Variants in CASQ1 observed in about 807,000 individuals in gnomAD.
CASQ1 encodes the protein calsequestrin-1.
CASQ1 carries 40 observed loss-of-function variants against 49.5 expected under a neutral mutation model. The ratio of observed to expected loss-of-function variants is 0.81; its 90% CI spans 0.63 to 1.05. The LOEUF (loss-of-function observed/expected upper bound fraction) is 1.05. Among genes scored for constraint, CASQ1 ranks in the 50% least tolerant of loss-of-function variants. The pLI is 0.00. For synonymous variants in CASQ1, 174 were observed against 187.2 expected, an observed-to-expected ratio of 0.93 and a Z score of 0.58; for missense variants, 469 against 486.9, an observed-to-expected ratio of 0.96 and a Z score of 0.35.
rs1183129981 is a variant in CASQ1, at chr1:160,195,912, A to C, written c.667A>C (p.Thr223Pro). The change falls in exon 6 of 11, where the codon ACC (threonine) becomes CCC (proline). Residue 223 changes from threonine to proline, a missense_variant. Thr to Pro is a conservative substitution (Grantham distance 38, BLOSUM62 -1). Transcript: ENST00000368078. ...TFDSKVAKKLTLKLNEIDFYE... is the reference protein window; with the variant it reads ...TFDSKVAKKLPLKLNEIDFYE... The stretch of plus-strand genomic sequence containing the variant: ...TCTCCCAAAGGTGGCAAAGAAGCTG[A>C]CCCTGAAGCTGAATGAGATTGATTT... The C allele has an allele frequency of 2.5e-6, 4 of 1,613,676 alleles. No homozygotes were observed. Among genetic ancestry groups the C allele is most frequent in the Non-Finnish European group, 3.4e-6 (4 of 1,179,890 alleles).
chr1:160,195,661 C>CCT (rs1553192599), intron 5 of CASQ1, 127 bp downstream of exon 5: 55 of 783,014 alleles, frequency 7.0e-5, no homozygotes, highest in Non-Finnish European at 1.1e-4. Context: ...TGCCCCCCCC[C>CCT]CCGGCTCCTC....
intron 6 of CASQ1, among the ~76,000 whole-genome samples, chr1:160,197,278 T>C (rs550075584): frequency 6.6e-5 from 10 of 152,284 alleles, no homozygotes; most frequent in Admixed American, 2.6e-4. Flanking sequence ...TCAATCATAG[T>C]GAGTGAGTGA....
rs1420012716 is a variant in CASQ1 at position 160,193,745 on chromosome 1, A to T, written c.365-2A>T. ...CACCCCTGCGCCCGGCTCACTCCCT[A>T]GGCCTAACTGAAGTGGACAGCATGT... On this transcript the variant is annotated splice_acceptor_variant, in intron 2 of 10. Coordinates refer to ENST00000368078, the MANE Select transcript of CASQ1 (RefSeq NM_001231.5). LOFTEE classifies it high-confidence loss of function. The T allele has an allele frequency of 6.3e-7, 1 of 1,591,944 alleles. No individual in the cohort carries two copies. The highest frequency in any genetic ancestry group is 8.6e-7 in the Non-Finnish European group (1 of 1,162,278).
chr1:160,197,494 C>G, intron 6 of CASQ1, 75 bp from the exon 7 acceptor site: 2 of 1,067,444 alleles, frequency 1.9e-6, no homozygotes, highest in East Asian at 2.4e-5. Context: ...CTAGAGGCAG[C>G]CTTTGCTACA....
chr1:160,198,487 G>C (rs1447727955), intron 7 of CASQ1, among the ~76,000 whole-genome samples, 190 bp from the exon 8 acceptor site: 2 of 152,004 alleles, frequency 1.3e-5, no homozygotes, highest in African/African-American at 4.8e-5. Flanking sequence ...CTGGGGGACA[G>C]AGTGAAACTC....
At chr1:160,196,253 T>C (rs565763015) in intron 6 of CASQ1, among the ~76,000 whole-genome samples, 8 of 152,106 alleles carry the variant, frequency 5.3e-5, no homozygotes, top group South Asian at 2.1e-4. Context: ...TTCATAAGTG[T>C]GTATAATTCA....
Position 160,190,944 on chromosome 1 carries a change from G to GAT in CASQ1, c.194_195insTA (p.Glu65AspfsTer27), listed in dbSNP as rs1289888517. On this transcript the variant is annotated frameshift_variant, in exon 1 of 11. Transcript: ENST00000368078. LOFTEE classifies it high-confidence loss of function. ...CTACAAGAATGTGTTCAAGAAGTAT[G>GAT]AGGTGCTGGCACTCCTCTACCATGA... 1.2e-6 allele frequency: 2 copies of GAT among 1,614,196 alleles called. No individual in the cohort carries two copies. Among genetic ancestry groups the GAT allele is most frequent in the Admixed American group, 3.3e-5 (2 of 60,034 alleles).
intron 3 of CASQ1, among the ~76,000 whole-genome samples, chr1:160,194,308 C>T (rs1472877140): frequency 2.0e-5 from 3 of 147,904 alleles, no homozygotes; most frequent in African/African-American, 7.5e-5. Flanking sequence ...GCACACACCA[C>T]ACACGCCACA....
chr1:160,193,127 C>T (rs553407782), intron 2 of CASQ1, among the ~76,000 whole-genome samples: 1 of 152,124 alleles, frequency 6.6e-6, no homozygotes, highest in East Asian at 1.9e-4. Flanking sequence ...GGGAGGCCTT[C>T]TTTATACTTA....
In CASQ1 at chr1:160,195,888, C is replaced by T; in HGVS notation, c.652-9C>T. ...CTGCTCCACTCCCCTCCTACCCCCT[C>T]TCCCAAAGGTGGCAAAGAAGCTGAC... On this transcript the variant is annotated splice_polypyrimidine_tract_variant and intron_variant, in intron 5 of 10. Transcript: ENST00000368078. 1 of 1,613,650 alleles carries T rather than the reference C, an allele frequency of 6.2e-7. No homozygotes were observed. Among genetic ancestry groups the T allele is most frequent in the Non-Finnish European group, 8.5e-7 (1 of 1,179,760 alleles).
chr1:160,200,801 G>T (rs923740361), intron 10 of CASQ1, among the ~76,000 whole-genome samples: 1 of 152,266 alleles, frequency 6.6e-6, no homozygotes, highest in East Asian at 1.9e-4. Flanking sequence ...TTGAGGCCAG[G>T]TGTTCAAGGC....
chr1:160,190,925 G>T lies in CASQ1; in HGVS notation c.174G>T (p.Lys58Asn), dbSNP rs1343017743. 6.2e-7 allele frequency: 1 copy of T among 1,614,180 alleles called. No homozygotes were observed. The highest frequency in any genetic ancestry group is 2.2e-5 in the East Asian group (1 of 44,896). ...TCAATGTCAATGCAAAGAACTACAA[G>T]AATGTGTTCAAGAAGTATGAGGTGC... is the stretch of plus-strand genomic sequence containing the variant. Reference protein sequence around the residue: ...RVINVNAKNYKNVFKKYEVLA... With the variant: ...RVINVNAKNYNNVFKKYEVLA... The change falls in exon 1 of 11, where the codon AAG (lysine) becomes AAT (asparagine). Residue 58 changes from lysine (K) to asparagine (N), a missense_variant. Transcript: ENST00000368078.
rs532505225 is a variant in CASQ1 at position 160,199,955 on chromosome 1, C to A, written c.1059+30C>A. 6.2e-5 allele frequency: 91 copies of A among 1,459,664 alleles called. No homozygotes were observed. The South Asian group carries it at 1.0e-3, about 16-fold the overall frequency. 90.4% of individuals were successfully genotyped at this position (1,459,664 alleles called of 1,614,324 possible). A position where few individuals can be genotyped will look rare whatever the true frequency, so the allele number is the denominator to read the frequency against. On this transcript the variant is annotated intron_variant, in intron 10 of 10. Coordinates refer to ENST00000368078, the MANE Select transcript of CASQ1 (RefSeq NM_001231.5). ...GTTTCCTGTCCTCATCCCGGGTTGA[C>A]CCCCGACTCTACTTCCTAGCATAGC...
At chr1:160,195,714 T>C (rs1279648138) in intron 5 of CASQ1, among the ~76,000 whole-genome samples, 180 bp downstream of exon 5, 3 of 147,488 alleles carry the variant, frequency 2.0e-5, no homozygotes, top group African/African-American at 7.5e-5. Flanking sequence ...TTAGATGATC[T>C]AACACCCCTC....
At chr1:160,195,254 G>A in intron 4 of CASQ1, 131 bp downstream of exon 4, 3 of 737,150 alleles carry the variant, frequency 4.1e-6, no homozygotes, top group Admixed American at 2.5e-5. Context: ...GCCGTGGTCA[G>A]CACCATCAAC....
In CASQ1 at chr1:160,201,708, TTCCC is replaced by T. The variant is rs778126228; in HGVS notation, c.*336_*339del. On this transcript the variant is annotated 3_prime_UTR_variant, in exon 11 of 11. Transcript: ENST00000368078. Reference sequence around the variant, plus strand: ...ATATATGGGCCCCATCTCTGTTCTGTTCCCTCCATCTATGCACAGCTTTCCCCCA... The same window carrying T: ...ATATATGGGCCCCATCTCTGTTCTGTTCCATCTATGCACAGCTTTCCCCCA... The T allele has an allele frequency of 1.7e-5, 6 of 349,492 alleles. No individual in the cohort carries two copies. Among genetic ancestry groups the T allele is most frequent in the African/African-American group, 6.2e-5 (3 of 48,372 alleles). The allele number at this position is 349,492 out of a possible 1,614,324, so 21.6% of individuals were successfully genotyped here. A position where few individuals can be genotyped will look rare whatever the true frequency, so the allele number is the denominator to read the frequency against.
At chr1:160,200,322 G>A (rs961920998) in intron 10 of CASQ1, among the ~76,000 whole-genome samples, 1 of 152,148 alleles carries the variant, frequency 6.6e-6, no homozygotes, top group Non-Finnish European at 1.5e-5. Flanking sequence ...ACACACAGTA[G>A]GTGCTTCAAA....
rs760832025 is a variant in CASQ1 at position 160,193,763 on chromosome 1, C to T, written c.381C>T (p.Asp127=). The T allele has an allele frequency of 6.2e-7, 1 of 1,609,424 alleles. No individual in the cohort carries two copies. Among genetic ancestry groups the T allele is most frequent in the Non-Finnish European group, 8.5e-7 (1 of 1,176,658 alleles). ...ACTCCCTAGGCCTAACTGAAGTGGACAGCATGTATGTATTCAAGGGAGATG... is the reference window on the plus strand; with the variant it reads ...ACTCCCTAGGCCTAACTGAAGTGGATAGCATGTATGTATTCAAGGGAGATG... ...VAKKLGLTEV[D]SMYVFKGDEV... The change falls in exon 3 of 11, where the codon GAC becomes GAT. Residue 127 remains aspartate (D), a synonymous_variant. Coordinates refer to ENST00000368078, the MANE Select transcript of CASQ1 (RefSeq NM_001231.5).
intron 9 of CASQ1, among the ~76,000 whole-genome samples, chr1:160,199,319 G>T (rs902443754): frequency 1.3e-5 from 2 of 152,182 alleles, no homozygotes; most frequent in Non-Finnish European, 2.9e-5. Flanking sequence ...GAAAACCAAT[G>T]TTGTGAGGCA....
Sources: allele counts gnomAD v4.1 joint callset (sites outside exome capture counted in the v4.1 genomes callset), GRCh38; gene constraint gnomAD v4.1.1; transcripts MANE v1.5; gene names NCBI Gene and HGNC (gene_info 2026-07-23, HGNC 2026-07-21).